Variants in ETV6 observed in about 807,000 individuals in gnomAD.
ETV6 encodes transcription factor ETV6.
Under a neutral mutation model 51.1 loss-of-function variants are expected in ETV6, and 16 were observed. That is an observed-to-expected ratio of 0.31 (90% CI 0.21 to 0.48). ETV6 has a LOEUF of 0.48. ETV6 is among the 20% of genes least tolerant of loss of function. The pLI is 0.99. For missense variants in ETV6, 458 were observed against 594.8 expected, an observed-to-expected ratio of 0.77 and a Z score of 2.39; for synonymous variants, 240 against 224.1, an observed-to-expected ratio of 1.07 and a Z score of -0.64.
chr12:11,650,414 G>A (rs543476678), intron 1 of ETV6, among the ~76,000 whole-genome samples: 2 of 121,114 alleles, frequency 1.7e-5, no homozygotes, highest in South Asian at 6.3e-4. Context: ...TGAAATGCCG[G>A]TCACAATTGG....
chr12:11,659,230 C>T (rs1864055240), intron 1 of ETV6, among the ~76,000 whole-genome samples: 1 of 151,384 alleles, frequency 6.6e-6, no homozygotes, highest in African/African-American at 2.5e-5. Context: ...ACCGAAGTGT[C>T]TCTTTTCAGC....
chr12:11,752,521 T>C lies in ETV6; in HGVS notation c.105T>C (p.Val35=). Residue 35 remains valine (V), a synonymous_variant, in exon 2 of 8, where the codon GTT becomes GTC. Coordinates refer to ENST00000396373, the MANE Select transcript of ETV6 (RefSeq NM_001987.5). The part of the protein sequence containing the change: ...PSYASSTPLH[V]PVPRALRMEE... ...ACGCTTCCTCGACGCCACTTCATGT[T>C]CCAGTGCCTCGAGCGCTCAGGATGG... The C allele has an allele frequency of 1.2e-6, 2 of 1,614,024 alleles. No individual in the cohort carries two copies. Among genetic ancestry groups the C allele is most frequent in the Non-Finnish European group, 1.7e-6 (2 of 1,180,002 alleles).
At chr12:11,832,807 T>C (rs1182693180) in intron 2 of ETV6, among the ~76,000 whole-genome samples, 2 of 152,224 alleles carry the variant, frequency 1.3e-5, no homozygotes, top group African/African-American at 2.4e-5. Context: ...TTTAGATGGA[T>C]TGATCATTGA....
At chr12:11,887,609 G>A (rs768703395) in intron 7 of ETV6, among the ~76,000 whole-genome samples, 10 of 151,960 alleles carry the variant, frequency 6.6e-5, no homozygotes, top group South Asian at 2.1e-4. Flanking sequence ...TTAGCTGAGC[G>A]TAGTGGCATG....
At chr12:11,791,933 T>G (rs1458819343) in intron 2 of ETV6, among the ~76,000 whole-genome samples, 2 of 152,170 alleles carry the variant, frequency 1.3e-5, no homozygotes, top group South Asian at 4.1e-4. Flanking sequence ...AAAACAGAGC[T>G]TCCATTTTCT....
intron 1 of ETV6, among the ~76,000 whole-genome samples, chr12:11,724,034 C>G (rs2120940435): frequency 6.6e-6 from 1 of 152,148 alleles, no homozygotes; most frequent in South Asian, 2.1e-4. Context: ...CCTCCCCCAC[C>G]CCTGACCTGA....
chr12:11,856,495 G>T (rs1201465058), intron 4 of ETV6, among the ~76,000 whole-genome samples: 2 of 152,202 alleles, frequency 1.3e-5, no homozygotes, highest in Non-Finnish European at 2.9e-5. Context: ...GGAGAGAAGT[G>T]TAGGTCTTTA....
At chr12:11,872,463 T>A (rs1946894598) in intron 5 of ETV6, among the ~76,000 whole-genome samples, 1 of 152,112 alleles carries the variant, frequency 6.6e-6, no homozygotes, top group Non-Finnish European at 1.5e-5. Flanking sequence ...GTTTGTAAAT[T>A]TCAAAATATT....
At chr12:11,822,531 A>G (rs576380325) in intron 2 of ETV6, among the ~76,000 whole-genome samples, 1 of 152,314 alleles carries the variant, frequency 6.6e-6, no homozygotes, top group East Asian at 1.9e-4. Context: ...TTTTGGTTAT[A>G]AAACCGGAAG....
At chr12:11,697,369 A>T (rs746562481) in intron 1 of ETV6, among the ~76,000 whole-genome samples, 3 of 152,242 alleles carry the variant, frequency 2.0e-5, no homozygotes, top group Non-Finnish European at 4.4e-5. Context: ...AGACAGGTGC[A>T]GGAAAAGTTG....
chr12:11,766,436 A>G (rs1591659039), intron 2 of ETV6, among the ~76,000 whole-genome samples: 1 of 151,146 alleles, frequency 6.6e-6, no homozygotes, highest in East Asian at 1.9e-4. Context: ...CCCTCACAGA[A>G]CAAAAATAAA....
intron 2 of ETV6, among the ~76,000 whole-genome samples, chr12:11,801,162 G>C (rs565261962): frequency 6.6e-6 from 1 of 152,276 alleles, no homozygotes; most frequent in East Asian, 1.9e-4. Flanking sequence ...GCAAATACGT[G>C]AACAGAGAAA....
intron 5 of ETV6, among the ~76,000 whole-genome samples, chr12:11,871,642 A>G (rs1255465039): frequency 1.3e-5 from 2 of 152,236 alleles, no homozygotes; most frequent in South Asian, 2.1e-4. Context: ...AATGACTTAT[A>G]TGTTTTAAAA....
At chr12:11,671,155 G>C (rs763767632) in intron 1 of ETV6, among the ~76,000 whole-genome samples, 21 of 152,184 alleles carry the variant, frequency 1.4e-4, no homozygotes, top group Non-Finnish European at 2.5e-4. Context: ...AAGGAAATTA[G>C]GGTTCTAGCT....
At chr12:11,825,217 TTAAAAG>T (rs1946135393) in intron 2 of ETV6, among the ~76,000 whole-genome samples, 1 of 151,952 alleles carries the variant, frequency 6.6e-6, no homozygotes, top group South Asian at 2.1e-4. Context: ...CTGGAAAGAA[TTAAAAG>T]TAAAAGAAAA....
chr12:11,728,567 C>A (rs762890385), intron 1 of ETV6, among the ~76,000 whole-genome samples: 20 of 152,148 alleles, frequency 1.3e-4, no homozygotes, highest in Admixed American at 2.6e-4. Context: ...TGCCCCCAGT[C>A]CGTGGAAAAA....
At chr12:11,735,427 A>G (rs116113455) in intron 1 of ETV6, among the ~76,000 whole-genome samples, 3,060 of 152,226 alleles carry the variant, frequency 0.02, 98 homozygotes, top group African/African-American at 0.068. Flanking sequence ...CTGAAGAGCA[A>G]ACATCCACGT....
intron 1 of ETV6, among the ~76,000 whole-genome samples, chr12:11,703,406 A>G (rs1298660640): frequency 6.6e-6 from 1 of 152,160 alleles, no homozygotes; most frequent in African/African-American, 2.4e-5. Flanking sequence ...GATTTGGAAC[A>G]TGGGTTTTCA....
chr12:11,773,296 A>T (rs1431777347), intron 2 of ETV6, among the ~76,000 whole-genome samples: 1 of 151,264 alleles, frequency 6.6e-6, no homozygotes, highest in Non-Finnish European at 1.5e-5. Context: ...ATTCAGCAAG[A>T]GCTCAAAGAG....
Sources: allele counts gnomAD v4.1 joint callset (sites outside exome capture counted in the v4.1 genomes callset), GRCh38; gene constraint gnomAD v4.1.1; transcripts MANE v1.5; gene names NCBI Gene and HGNC (gene_info 2026-07-23, HGNC 2026-07-21).